SAMMSON: variants seen among roughly 807,000 people sequenced by gnomAD.
SAMMSON encodes long intergenic non-protein coding RNA 1212.
intron 4 of SAMMSON, among the ~76,000 whole-genome samples, chr3:70,158,132 A>G (rs1326280976): frequency 1.3e-5 from 2 of 152,122 alleles, no homozygotes; most frequent in African/African-American, 4.8e-5. Flanking sequence ...TTGTGCAACC[A>G]TCACTACAAA....
intron 4 of SAMMSON, among the ~76,000 whole-genome samples, chr3:70,185,831 G>A (rs1701087473): frequency 7.0e-6 from 1 of 143,354 alleles, no homozygotes; most frequent in Admixed American, 7.0e-5. Context: ...AAAAAAATTA[G>A]CTGGGCATGA....
intron 1 of SAMMSON, among the ~76,000 whole-genome samples, chr3:70,011,317 C>G (rs142208775): frequency 3.4e-4 from 52 of 152,172 alleles, no homozygotes; most frequent in African/African-American, 1.2e-3. Context: ...CCTTAGTTCT[C>G]CCTTAAAACT....
intron 6 of SAMMSON, among the ~76,000 whole-genome samples, chr3:70,253,506 C>T (rs966395021): frequency 6.6e-6 from 1 of 152,182 alleles, no homozygotes; most frequent in Non-Finnish European, 1.5e-5. Flanking sequence ...GTCATCCCAG[C>T]ACTTTGGGAG....
intron 4 of SAMMSON, among the ~76,000 whole-genome samples, chr3:70,181,862 A>G (rs1208072731): frequency 6.6e-6 from 1 of 152,200 alleles, no homozygotes; most frequent in Non-Finnish European, 1.5e-5. Context: ...AAACTGTGTC[A>G]ACGTGCAAAT....
In SAMMSON at chr3:70,126,296, G is replaced by A. The variant is rs996089571; in HGVS notation, n.507+54731G>A. 4 of 1,169,252 alleles carry A rather than the reference G, an allele frequency of 3.4e-6. No homozygotes were observed. The African/African-American group carries it at 6.1e-5, about 18-fold the overall frequency. 72.4% of individuals were successfully genotyped at this position (1,169,252 alleles called of 1,614,324 possible). A position where few individuals can be genotyped will look rare whatever the true frequency, so the allele number is the denominator to read the frequency against. ...CAGAGACTGGAGTGGGACATGGGGAGTGAACTTGATCTTGCTCTTTTGCAA... is the reference window on the plus strand; with the variant it reads ...CAGAGACTGGAGTGGGACATGGGGAATGAACTTGATCTTGCTCTTTTGCAA... On this transcript the variant is annotated intron_variant and non_coding_transcript_variant, in intron 4 of 9. Transcript: ENST00000642114.
chr3:70,169,147 GAA>G (rs760237083), intron 4 of SAMMSON, among the ~76,000 whole-genome samples: 12 of 151,862 alleles, frequency 7.9e-5, no homozygotes, highest in Non-Finnish European at 1.5e-4. Flanking sequence ...AGATCTGGGA[GAA>G]AAAAAGATAT....
At chr3:70,239,102 G>T (rs1424674892) in intron 4 of SAMMSON, among the ~76,000 whole-genome samples, 1 of 152,168 alleles carries the variant, frequency 6.6e-6, no homozygotes, top group African/African-American at 2.4e-5. Flanking sequence ...AAGAAACTGA[G>T]ATGTGGTTTC....
At chr3:70,430,240 A>C (rs1701403079) in intron 2 of SAMMSON, among the ~76,000 whole-genome samples, 1 of 151,990 alleles carries the variant, frequency 6.6e-6, no homozygotes. Flanking sequence ...GGTTTTTGTC[A>C]CTGGTTCTGT....
rs35967599 is a variant in SAMMSON, at chr3:70,218,993, G to GA, written n.508-30105dup. Among the ~76,000 whole-genome samples, 96 of 150,908 alleles carry GA rather than the reference G, an allele frequency of 6.4e-4. No individual in the cohort carries two copies. The East Asian group carries it at 0.018, about 28-fold the overall frequency. On this transcript the variant is annotated intron_variant and non_coding_transcript_variant, in intron 4 of 9. Transcript: ENST00000642114. ...TTATGAAGTGTTTGGGCCATTTCAA[G>GA]AAAAAAAAAGTCCCCTTTAAAAAAG...
chr3:70,285,590 G>T (rs1702153051), intron 6 of SAMMSON, among the ~76,000 whole-genome samples: 1 of 151,714 alleles, frequency 6.6e-6, no homozygotes. Context: ...GGATGGCTGT[G>T]TCAAATGGTA....
chr3:70,243,186 T>C (rs1701677754), intron 4 of SAMMSON, among the ~76,000 whole-genome samples: 1 of 152,182 alleles, frequency 6.6e-6, no homozygotes, highest in South Asian at 2.1e-4. Flanking sequence ...CTCATGAACA[T>C]CTTGTTAAGG....
chr3:70,093,339 G>C (rs1186165729), intron 4 of SAMMSON, among the ~76,000 whole-genome samples: 4 of 152,100 alleles, frequency 2.6e-5, no homozygotes, highest in Admixed American at 2.6e-4. Flanking sequence ...GAAAATTGAG[G>C]CTACCAAAAA....
At chr3:70,085,179 T>C (rs2067280926) in intron 4 of SAMMSON, among the ~76,000 whole-genome samples, 1 of 152,184 alleles carries the variant, frequency 6.6e-6, no homozygotes, top group Non-Finnish European at 1.5e-5. Context: ...CTTAACTATA[T>C]ATAGGGTCAA....
At chr3:70,164,330 C>A (rs552450569) in intron 4 of SAMMSON, among the ~76,000 whole-genome samples, 2 of 152,048 alleles carry the variant, frequency 1.3e-5, no homozygotes, top group South Asian at 2.1e-4. Flanking sequence ...ATGTATAGAA[C>A]CCCTAGCACA....
chr3:70,093,343 C>A (rs1265752753), intron 4 of SAMMSON, among the ~76,000 whole-genome samples: 11 of 152,072 alleles, frequency 7.2e-5, no homozygotes, highest in Admixed American at 7.2e-4. Flanking sequence ...ATTGAGGCTA[C>A]CAAAAACTAA....
At chr3:70,349,982 T>C (rs1414947327) in intron 7 of SAMMSON, among the ~76,000 whole-genome samples, 1 of 152,194 alleles carries the variant, frequency 6.6e-6, no homozygotes, top group Non-Finnish European at 1.5e-5. Flanking sequence ...ACTCTTCTAT[T>C]AGAAAGTCTA....
At chr3:70,238,062 A>G (rs1302813818) in intron 4 of SAMMSON, among the ~76,000 whole-genome samples, 1 of 131,158 alleles carries the variant, frequency 7.6e-6, no homozygotes, top group Admixed American at 9.2e-5. Flanking sequence ...TGACGAACCT[A>G]TTCTTTATAC....
In SAMMSON at chr3:70,253,066, G is replaced by C. The variant is rs1236360101; in HGVS notation, n.674+3396G>C. On this transcript the variant is annotated intron_variant and non_coding_transcript_variant, in intron 6 of 9. Transcript: ENST00000642114. ...TTGTACTCCAGCCTGGGGGACAAGA[G>C]TGAGACTTTGCTCAAAGAAAAAAAA... is the stretch of plus-strand genomic sequence containing the variant. 3.3e-5 allele frequency among the ~76,000 whole-genome samples: 5 copies of C among 151,802 alleles called. No homozygotes were observed. The East Asian group carries it at 9.6e-4, about 29-fold the overall frequency.
chr3:70,200,025 C>T (rs1028288298), intron 4 of SAMMSON, among the ~76,000 whole-genome samples: 2 of 152,148 alleles, frequency 1.3e-5, no homozygotes, highest in Non-Finnish European at 2.9e-5. Context: ...TCGGCAGAAA[C>T]CTGGTAGTCA....
Sources: gnomAD v4.1 joint callset for allele counts (sites outside exome capture counted in the v4.1 genomes callset) on GRCh38, gnomAD v4.1.1 for gene constraint, MANE v1.5 for transcripts, NCBI Gene and HGNC (gene_info 2026-07-23, HGNC 2026-07-21) for gene names.